The following TRIM5 variants were observed in gnomAD, a reference collection of about 807,000 sequenced individuals.
TRIM5 encodes the protein tripartite motif-containing protein 5.
TRIM5 carries 31 observed loss-of-function variants against 35.6 expected under a neutral mutation model. The observed-to-expected ratio is 0.87, with a 90% CI of 0.65 to 1.18. The LOEUF is 1.18. TRIM5 is among the 50% of genes most tolerant of loss of function. TRIM5 has a pLI of 0.00. For synonymous variants in TRIM5, 243 were observed against 215.6 expected (o/e 1.13, Z -1.11); for missense variants, 609 against 591.6 (o/e 1.03, Z -0.31).
At chr11:5,672,415 T>C (rs1851648683) in intron 4 of TRIM5, among the ~76,000 whole-genome samples, 1 of 152,118 alleles carries the variant, frequency 6.6e-6, no homozygotes, top group Non-Finnish European at 1.5e-5. Flanking sequence ...TTTCTGCATG[T>C]TGGCCAGCTG....
the TRIM5 span, among the ~76,000 whole-genome samples, chr11:5,618,515 G>C: frequency 6.6e-6 from 1 of 152,120 alleles, no homozygotes; most frequent in African/African-American, 2.4e-5. Context: ...ACGTGACCAA[G>C]ATAATGATGA....
the TRIM5 span, among the ~76,000 whole-genome samples, chr11:5,647,080 G>A: frequency 6.6e-6 from 1 of 152,206 alleles, no homozygotes; most frequent in African/African-American, 2.4e-5. Context: ...AGACGTATCA[G>A]GAGAGGAATC....
chr11:5,666,016 G>A lies in TRIM5; in HGVS notation c.833C>T (p.Ala278Val). ...TTCTAGCATTCCTTTCAGATCAGGA[G>A]CTCGAAACACTCTCCTTTGATTTTT... ...FPKNQRRVFR[A>V]PDLKGMLEVF... The change falls in exon 6 of 8, where the codon GCT becomes GTT. Residue 278 changes from alanine (A) to valine (V), a missense_variant. Coordinates refer to ENST00000380034, the MANE Select transcript of TRIM5 (RefSeq NM_033034.3). 1 of 1,613,206 alleles carries A rather than the reference G, an allele frequency of 6.2e-7. No individual in the cohort carries two copies. Among genetic ancestry groups the A allele is most frequent in the Middle Eastern group, 1.7e-4 (1 of 6,060 alleles).
At chr11:5,596,717 G>C in the TRIM5 span, 14 of 904,972 alleles carry the variant, frequency 1.5e-5, no homozygotes, top group East Asian at 3.2e-4. Context: ...TGGCGGAGGA[G>C]GGATCCCCTG....
chr11:5,621,644 A>G, the TRIM5 span, among the ~76,000 whole-genome samples: 1 of 152,348 alleles, frequency 6.6e-6, no homozygotes, highest in Admixed American at 6.5e-5. Context: ...TGGAGCTTCA[A>G]AATCACTAGG....
chr11:5,655,749 G>A, the TRIM5 span: 18 of 930,278 alleles, frequency 1.9e-5, no homozygotes, highest in Non-Finnish European at 2.3e-5. Flanking sequence ...GTATGTGCAG[G>A]ACATATAAAA....
intron 1 of TRIM5, 65 bp from the exon 2 acceptor site, chr11:5,680,303 T>A (rs913302516): frequency 5.2e-6 from 5 of 960,652 alleles, no homozygotes; most frequent in Non-Finnish European, 7.3e-6. Context: ...GGATATTGAT[T>A]GTGCACAATT....
At chr11:5,667,143 T>C (rs1447658821) in intron 5 of TRIM5, among the ~76,000 whole-genome samples, 2 of 152,162 alleles carry the variant, frequency 1.3e-5, no homozygotes, top group Non-Finnish European at 2.9e-5. Flanking sequence ...ACTCCGAGTC[T>C]CCACCACCCA....
At chr11:5,632,888 G>T in the TRIM5 span, 19 of 1,240,198 alleles carry the variant, frequency 1.5e-5, no homozygotes, top group East Asian at 4.7e-4. Flanking sequence ...GTGCAGTGGC[G>T]TGCTCTCGGC....
chr11:5,671,801 G>GA (rs1368557929), intron 4 of TRIM5, among the ~76,000 whole-genome samples: 1 of 98,914 alleles, frequency 1.0e-5, no homozygotes, highest in Non-Finnish European at 2.2e-5. Flanking sequence ...TTTTCAAGTA[G>GA]AAAAAAATAA....
the TRIM5 span, among the ~76,000 whole-genome samples, chr11:5,591,320 CAA>C: frequency 6.6e-6 from 1 of 152,144 alleles, no homozygotes; most frequent in Non-Finnish European, 1.5e-5. Context: ...TTGAGAAAAG[CAA>C]AGCTTTATTG....
Position 5,679,887 on chromosome 11 carries a change from G to A in TRIM5, c.291C>T (p.Arg97=). 1.2e-6 allele frequency: 2 copies of A among 1,613,778 alleles called. No homozygotes were observed. The highest frequency in any genetic ancestry group is 2.2e-5 in the South Asian group (2 of 91,032). The part of the protein sequence containing the change: ...PEGQKVDHCA[R]HGEKLLLFCQ... ...AGAAGAGTAGAAGTTTCTCTCCATGGCGTGCACAATGATCAACTTTCTGCC... is the reference window on the plus strand; with the variant it reads ...AGAAGAGTAGAAGTTTCTCTCCATGACGTGCACAATGATCAACTTTCTGCC... The change falls in exon 2 of 8, where the codon CGC becomes CGT. Residue 97 remains arginine (R), a synonymous_variant. Coordinates refer to ENST00000380034, the MANE Select transcript of TRIM5 (RefSeq NM_033034.3).
intron 4 of TRIM5, among the ~76,000 whole-genome samples, chr11:5,668,150 T>G (rs1337747504): frequency 6.6e-6 from 1 of 152,194 alleles, no homozygotes; most frequent in African/African-American, 2.4e-5. Context: ...GGCATGAGCC[T>G]GTAGTTCCAA....
chr11:5,657,336 G>T, the TRIM5 span, among the ~76,000 whole-genome samples: 9 of 151,292 alleles, frequency 5.9e-5, no homozygotes, highest in Middle Eastern at 3.4e-3. Flanking sequence ...GGAAGGGATC[G>T]CATTAGGATA....
the TRIM5 span, chr11:5,633,882 G>A: frequency 1.9e-6 from 3 of 1,613,938 alleles, no homozygotes. Context: ...CATCAGAGAA[G>A]AGAAAACTTC....
chr11:5,634,163 G>A, the TRIM5 span, among the ~76,000 whole-genome samples: 82,912 of 151,848 alleles, frequency 0.55, 23,827 homozygotes, highest in Non-Finnish European at 0.65. Flanking sequence ...CTTTTCCAAC[G>A]GGGCTCTACT....
the TRIM5 span, chr11:5,588,782 A>ATTTTTTTTTTT: frequency 6.8e-6 from 1 of 148,148 alleles, no homozygotes; most frequent in African/African-American, 2.5e-5. Flanking sequence ...CTGCCCACAG[A>ATTTTTTTTTTT]TTTTTTTTTT....
the TRIM5 span, chr11:5,634,529 AC>A: frequency 1.0e-5 from 6 of 579,536 alleles, no homozygotes; most frequent in East Asian, 3.9e-5. Context: ...ACACACACAC[AC>A]ATATATATAT....
intron 3 of TRIM5, 24 bp from the exon 4 acceptor site, chr11:5,678,458 G>A (rs1852166146): frequency 6.7e-7 from 1 of 1,483,572 alleles, no homozygotes; most frequent in East Asian, 2.4e-5. Flanking sequence ...AGAAGAGAAA[G>A]GGGCACTCAG....
Sources: gnomAD v4.1 joint callset for allele counts (sites outside exome capture counted in the v4.1 genomes callset) on GRCh38, gnomAD v4.1.1 for gene constraint, MANE v1.5 for transcripts, NCBI Gene and HGNC (gene_info 2026-07-23, HGNC 2026-07-21) for gene names.